The following EDIL3 variants were observed in gnomAD, a reference collection of about 807,000 sequenced individuals.
The protein encoded by EDIL3 is EGF-like repeat and discoidin I-like domain-containing protein 3.
Under a neutral mutation model 67.4 loss-of-function variants are expected in EDIL3, and 37 were observed. The ratio of observed to expected loss-of-function variants is 0.55; its 90% CI spans 0.42 to 0.72. The LOEUF is 0.72. EDIL3 is among the 30% of genes least tolerant of loss of function. The probability of loss-of-function intolerance (pLI) is 0.00; values close to 1 mark genes in which losing one functional copy is unlikely to be tolerated. For missense variants in EDIL3, 527 were observed against 586.3 expected (o/e 0.90, Z 1.04); for synonymous variants, 195 against 196.3 (o/e 0.99, Z 0.05).
intron 1 of EDIL3, among the ~76,000 whole-genome samples, chr5:84,269,390 A>G (rs913381635): frequency 5.5e-4 from 83 of 149,818 alleles, no homozygotes; most frequent in Non-Finnish European, 1.9e-4. Context: ...TGTACAGGAA[A>G]TATAACCTTA....
At chr5:84,314,645 T>C (rs1178612503) in intron 1 of EDIL3, among the ~76,000 whole-genome samples, 1 of 152,196 alleles carries the variant, frequency 6.6e-6, no homozygotes, top group Non-Finnish European at 1.5e-5. Flanking sequence ...TAAATTGTCA[T>C]AATTTAATCC....
chr5:83,974,416 C>T (rs1170573975), intron 9 of EDIL3, among the ~76,000 whole-genome samples: 5 of 151,850 alleles, frequency 3.3e-5, no homozygotes, highest in Non-Finnish European at 2.9e-5. Context: ...AACAGAATTG[C>T]CTGCGGATTC....
chr5:84,321,733 G>A (rs890541468), intron 1 of EDIL3, among the ~76,000 whole-genome samples: 1 of 152,150 alleles, frequency 6.6e-6, no homozygotes, highest in Non-Finnish European at 1.5e-5. Flanking sequence ...TCACAGAGGT[G>A]CAGAAAAATG....
At chr5:84,346,435 G>A (rs79138827) in intron 1 of EDIL3, among the ~76,000 whole-genome samples, 79 of 152,188 alleles carry the variant, frequency 5.2e-4, no homozygotes, top group African/African-American at 1.9e-3. Context: ...TATGAGAGAT[G>A]TTCAGATCCT....
At chr5:84,059,743 G>A in intron 9 of EDIL3, among the ~76,000 whole-genome samples, 1 of 152,170 alleles carries the variant, frequency 6.6e-6, no homozygotes, top group East Asian at 1.9e-4. Flanking sequence ...CATGAAGATT[G>A]TTTTAAAAAG....
intron 3 of EDIL3, among the ~76,000 whole-genome samples, chr5:84,223,850 A>G (rs1262237532): frequency 6.6e-6 from 1 of 151,550 alleles, no homozygotes; most frequent in Non-Finnish European, 1.5e-5. Flanking sequence ...TTTACTATAT[A>G]TATGTATTTA....
chr5:84,263,042 G>A (rs1264208221), intron 1 of EDIL3, among the ~76,000 whole-genome samples: 1 of 152,052 alleles, frequency 6.6e-6, no homozygotes, highest in African/African-American at 2.4e-5. Flanking sequence ...AATATTTACT[G>A]AAGCCCATCT....
chr5:84,262,485 T>C (rs987100649), intron 1 of EDIL3, among the ~76,000 whole-genome samples: 1 of 151,942 alleles, frequency 6.6e-6, no homozygotes, highest in Non-Finnish European at 1.5e-5. Context: ...TGCAGGAAGC[T>C]ACAATCAGCA....
intron 4 of EDIL3, among the ~76,000 whole-genome samples, chr5:84,141,401 T>C (rs1453515975): frequency 6.7e-6 from 1 of 149,064 alleles, no homozygotes; most frequent in Non-Finnish European, 1.5e-5. Flanking sequence ...TTTCCAGGTA[T>C]AAACTCATGA....
At chr5:83,980,825 C>G (rs1744957796) in intron 9 of EDIL3, among the ~76,000 whole-genome samples, 2 of 151,000 alleles carry the variant, frequency 1.3e-5, no homozygotes, top group South Asian at 4.2e-4. Context: ...ATATAAAAGT[C>G]AACTGGTTTT....
intron 9 of EDIL3, among the ~76,000 whole-genome samples, chr5:84,053,551 T>A (rs1746381826): frequency 6.6e-6 from 1 of 152,060 alleles, no homozygotes; most frequent in African/African-American, 2.4e-5. Context: ...ACAAAATTGA[T>A]AGACCGCTAG....
intron 9 of EDIL3, among the ~76,000 whole-genome samples, chr5:83,976,976 T>C (rs1352028306): frequency 2.0e-5 from 3 of 151,816 alleles, no homozygotes; most frequent in Non-Finnish European, 4.4e-5. Flanking sequence ...TGACAATATA[T>C]TTATCTCTTC....
chr5:84,253,998 A>C (rs919886326), intron 2 of EDIL3, 86 bp downstream of exon 2: 6 of 1,364,256 alleles, frequency 4.4e-6, no homozygotes, highest in African/African-American at 1.5e-5. Flanking sequence ...TTTTACAACT[A>C]ATCTCCATAA....
chr5:84,273,289 T>C (rs1745512212), intron 1 of EDIL3, among the ~76,000 whole-genome samples: 1 of 152,180 alleles, frequency 6.6e-6, no homozygotes, highest in Admixed American at 6.5e-5. Context: ...CCTGAGTTCC[T>C]GAATCAATCA....
chr5:84,305,736 A>C (rs899865195), intron 1 of EDIL3, among the ~76,000 whole-genome samples: 1 of 152,046 alleles, frequency 6.6e-6, no homozygotes, highest in African/African-American at 2.4e-5. Flanking sequence ...AAAATTAGCC[A>C]GGCGTGGTGG....
chr5:84,227,354 A>G (rs957851904), intron 3 of EDIL3, among the ~76,000 whole-genome samples: 1 of 152,088 alleles, frequency 6.6e-6, no homozygotes, highest in African/African-American at 2.4e-5. Flanking sequence ...CACTTAACAG[A>G]GAAATTCAAA....
At chr5:84,036,387 T>A (rs1746022072) in intron 9 of EDIL3, among the ~76,000 whole-genome samples, 1 of 152,146 alleles carries the variant, frequency 6.6e-6, no homozygotes, top group Non-Finnish European at 1.5e-5. Flanking sequence ...AGAAAGACAG[T>A]CATATTTGTT....
chr5:84,134,647 AG>A (rs1748056581), intron 5 of EDIL3, among the ~76,000 whole-genome samples: 2 of 152,194 alleles, frequency 1.3e-5, no homozygotes, highest in African/African-American at 4.8e-5. Flanking sequence ...AAGAGACTAC[AG>A]AAAAAAGTAG....
chr5:84,226,105 A>G (rs1744447412), intron 3 of EDIL3, among the ~76,000 whole-genome samples: 1 of 151,734 alleles, frequency 6.6e-6, no homozygotes, highest in Non-Finnish European at 1.5e-5. Context: ...TGAACCTGGT[A>G]AAGATATTAT....
Sources: allele counts gnomAD v4.1 joint callset (sites outside exome capture counted in the v4.1 genomes callset), GRCh38; gene constraint gnomAD v4.1.1; transcripts MANE v1.5; gene names NCBI Gene and HGNC (gene_info 2026-07-23, HGNC 2026-07-21).